RAB3GAP1: variants seen among roughly 807,000 people sequenced by gnomAD.
RAB3GAP1 encodes the protein RAB3 GTPase activating protein catalytic subunit 1.
RAB3GAP1 carries 86 observed loss-of-function variants against 130.7 expected under a neutral mutation model. The ratio of observed to expected loss-of-function variants is 0.66; its 90% CI spans 0.55 to 0.79. The LOEUF (loss-of-function observed/expected upper bound fraction) is 0.79. RAB3GAP1 is among the 30% of genes least tolerant of loss of function. The pLI is 0.00. For missense variants in RAB3GAP1, 1,029 were observed against 1,169.4 expected (o/e 0.88, Z 1.75); for synonymous variants, 367 against 401.7 (o/e 0.91, Z 1.03).
intron 7 of RAB3GAP1, among the ~76,000 whole-genome samples, chr2:135,115,760 A>C (rs891205819): frequency 6.6e-6 from 1 of 152,214 alleles, no homozygotes; most frequent in Admixed American, 6.5e-5. Context: ...CTTAAGGTCT[A>C]AACACTTTGG....
chr2:135,172,179 C>T (rs889427980), downstream of RAB3GAP1, among the ~76,000 whole-genome samples: 1 of 152,048 alleles, frequency 6.6e-6, no homozygotes, highest in African/African-American at 2.4e-5. Flanking sequence ...CCTGTAATCC[C>T]AGCACTTTGG....
At chr2:135,146,162 T>G (rs1691985157) in intron 17 of RAB3GAP1, among the ~76,000 whole-genome samples, 1 of 151,760 alleles carries the variant, frequency 6.6e-6, no homozygotes. Flanking sequence ...CAGAATCTTT[T>G]AATGCTAGAA....
At chr2:135,069,288 A>G (rs1689404966) in intron 3 of RAB3GAP1, among the ~76,000 whole-genome samples, 1 of 152,218 alleles carries the variant, frequency 6.6e-6, no homozygotes, top group African/African-American at 2.4e-5. Flanking sequence ...AAATATGGTG[A>G]TGGTGGCATT....
downstream of RAB3GAP1, among the ~76,000 whole-genome samples, chr2:135,171,065 A>C (rs756315329): frequency 1.7e-4 from 26 of 151,920 alleles, 1 homozygote; most frequent in Admixed American, 7.2e-4. Flanking sequence ...GTTGGGGCAA[A>C]AGGTAACTGA....
At chr2:135,070,718 G>T (rs1345035069) in intron 3 of RAB3GAP1, among the ~76,000 whole-genome samples, 5 of 151,952 alleles carry the variant, frequency 3.3e-5, no homozygotes, top group Non-Finnish European at 7.4e-5. Context: ...TGTTGGTCAG[G>T]CTGGTCTCGA....
At chr2:135,109,043 CTT>C in intron 5 of RAB3GAP1, among the ~76,000 whole-genome samples, 1 of 152,158 alleles carries the variant, frequency 6.6e-6, no homozygotes, top group Admixed American at 6.5e-5. Flanking sequence ...CCTATTTGTT[CTT>C]TTGCCATTAC....
chr2:135,135,121 C>T, intron 15 of RAB3GAP1, 144 bp from the exon 16 acceptor site: 3 of 697,900 alleles, frequency 4.3e-6, no homozygotes, highest in South Asian at 3.2e-5. Flanking sequence ...TGCTCCCCCT[C>T]TGGAATTCAC....
Position 135,130,061 on chromosome 2 carries a change from G to A in RAB3GAP1, c.1040G>A (p.Arg347Gln), listed in dbSNP as rs765102974. 5.0e-6 allele frequency: 8 copies of A among 1,612,452 alleles called. No individual in the cohort carries two copies. The highest frequency in any genetic ancestry group is 4.0e-5 in the African/African-American group (3 of 74,752). ...GAGTCAACTGATGAGATTCTTGGAC[G>A]ATCTGCATTTGAGGAAGAAGGCAAA... Reference protein sequence around the residue: ...RKESTDEILGRSAFEEEGKET... With the variant: ...RKESTDEILGQSAFEEEGKET... The change falls in exon 12 of 24, where the codon CGA becomes CAA. Residue 347 changes from arginine (R) to glutamine (Q), a missense_variant. Around this residue, in one of 3 missense-constraint regions of RAB3GAP1, gnomAD observed 510 missense variants for 532.1 expected, o/e 0.96. Coordinates refer to ENST00000264158, the MANE Select transcript of RAB3GAP1 (RefSeq NM_012233.3).
intron 2 of RAB3GAP1, among the ~76,000 whole-genome samples, chr2:135,056,931 C>G (rs1261051114): frequency 6.6e-6 from 1 of 152,174 alleles, no homozygotes; most frequent in African/African-American, 2.4e-5. Context: ...TACAGTTTGA[C>G]TAGAATTAAC....
chr2:135,090,515 CTTAA>C (rs1413744473), intron 3 of RAB3GAP1, among the ~76,000 whole-genome samples: 1 of 152,088 alleles, frequency 6.6e-6, no homozygotes, highest in Non-Finnish European at 1.5e-5. Context: ...CTTTGGAACT[CTTAA>C]TTAATATATG....
In RAB3GAP1 at chr2:135,169,773, G is replaced by A. The variant is rs11558414; in HGVS notation, c.*992G>A. The A allele has an allele frequency of 2.5e-3, 1,136 of 455,958 alleles. 12 individuals carry two copies. The highest frequency in any genetic ancestry group is 0.021 in the African/African-American group (1,034 of 50,110). The allele number at this position is 455,958 out of a possible 1,614,324, so 28.2% of individuals were successfully genotyped here. On this transcript the variant is annotated 3_prime_UTR_variant, in exon 24 of 24. Transcript: ENST00000264158. Reference sequence around the variant, plus strand: ...GGGGATGTGTAGCCCCCCCGTGTGAGGATGACATCACCACATTTCTAGTTT... The same window carrying A: ...GGGGATGTGTAGCCCCCCCGTGTGAAGATGACATCACCACATTTCTAGTTT...
At chr2:135,131,286 G>GTGC (rs1691531593) in intron 13 of RAB3GAP1, among the ~76,000 whole-genome samples, 2 of 152,136 alleles carry the variant, frequency 1.3e-5, no homozygotes, top group Admixed American at 1.3e-4. Flanking sequence ...GAGTGCAGTG[G>GTGC]TGCATCTCGG....
At chr2:135,080,198 T>A (rs920724729) in intron 3 of RAB3GAP1, among the ~76,000 whole-genome samples, 5 of 151,646 alleles carry the variant, frequency 3.3e-5, no homozygotes, top group African/African-American at 1.2e-4. Context: ...TACACACACA[T>A]GAATTATCTG....
chr2:135,134,008 TG>T lies in RAB3GAP1; in HGVS notation c.1477del (p.Glu493LysfsTer5). 1 of 1,613,918 alleles carries T rather than the reference TG, an allele frequency of 6.2e-7. No individual in the cohort carries two copies. Among genetic ancestry groups the T allele is most frequent in the Non-Finnish European group, 8.5e-7 (1 of 1,179,804 alleles). On this transcript the variant is annotated frameshift_variant, in exon 15 of 24. Transcript: ENST00000264158. LOFTEE classifies it high-confidence loss of function. ...ATTTGTTCTTGAAATGCGTTTCCGA[TG>T]GGAAAACAACTTTCTGATTCCAGGG... Reference protein sequence around the residue: ...QEFVLEMRFRWENNFLIPGLA... With the variant: ...QEFVLEMRFRXENNFLIPGLA...
chr2:135,088,715 A>G (rs1690056804), intron 3 of RAB3GAP1, among the ~76,000 whole-genome samples: 2 of 151,378 alleles, frequency 1.3e-5, no homozygotes, highest in South Asian at 4.2e-4. Flanking sequence ...AAAAGAAAGA[A>G]AAGAAAAAAA....
chr2:135,060,996 G>A (rs1006190988), intron 3 of RAB3GAP1, among the ~76,000 whole-genome samples: 9 of 138,738 alleles, frequency 6.5e-5, no homozygotes, highest in Non-Finnish European at 1.2e-4. Flanking sequence ...GAACCACTGG[G>A]CCCAGCCTTT....
chr2:135,126,968 C>T (rs919057171), intron 11 of RAB3GAP1, among the ~76,000 whole-genome samples: 8 of 151,978 alleles, frequency 5.3e-5, no homozygotes, highest in Non-Finnish European at 8.8e-5. Flanking sequence ...CTCTGCCTCC[C>T]GGGTTCAAGT....
At chr2:135,100,118 T>C (rs1690410642) in intron 5 of RAB3GAP1, among the ~76,000 whole-genome samples, 1 of 152,166 alleles carries the variant, frequency 6.6e-6, no homozygotes, top group South Asian at 2.1e-4. Flanking sequence ...CAGAGACCAC[T>C]TTCCCTGGGC....
At chr2:135,135,427 G>T in intron 16 of RAB3GAP1, 108 bp downstream of exon 16, 16 of 1,426,424 alleles carry the variant, frequency 1.1e-5, no homozygotes, top group Non-Finnish European at 1.6e-5. Flanking sequence ...GCTGCTGTAG[G>T]TTGCCTATAG....
Sources: allele counts gnomAD v4.1 joint callset (sites outside exome capture counted in the v4.1 genomes callset), GRCh38; gene constraint gnomAD v4.1.1; regional missense constraint gnomAD v4.1.1; transcripts MANE v1.5; gene names NCBI Gene and HGNC (gene_info 2026-07-23, HGNC 2026-07-21).